Variants in ZNF41 observed in about 807,000 individuals in gnomAD.
The protein encoded by ZNF41 is zinc finger protein 41.
ZNF41 carries 6 observed loss-of-function variants against 9.3 expected under a neutral mutation model. The ratio of observed to expected loss-of-function variants is 0.65; its 90% CI spans 0.35 to 1.28. The LOEUF (loss-of-function observed/expected upper bound fraction) is 1.28, where lower values mean the gene tolerates loss of function less well. ZNF41 is among the 50% of genes most tolerant of loss of function. The pLI, the probability that ZNF41 is intolerant of heterozygous loss-of-function variation, is 0.03. For missense variants in ZNF41, 523 were observed against 585.8 expected, an observed-to-expected ratio of 0.89 and a Z score of 1.11; for synonymous variants, 192 against 207.1, an observed-to-expected ratio of 0.93 and a Z score of 0.63.
intron 2 of ZNF41, among the ~76,000 whole-genome samples, chrX:47,463,085 C>G (rs1293006859): frequency 2.7e-5 from 3 of 110,315 alleles, no homozygotes; most frequent in Non-Finnish European, 5.7e-5. Context: ...TTTGGCCTCC[C>G]AAAGTGTTGG....
At chrX:47,469,701 A>G (rs1361751170) in intron 1 of ZNF41, among the ~76,000 whole-genome samples, 1 of 111,346 alleles carries the variant, frequency 9.0e-6, no homozygotes, top group African/African-American at 3.3e-5. Context: ...AACACTGTGA[A>G]ACACTAAAAA....
intron 1 of ZNF41, among the ~76,000 whole-genome samples, chrX:47,480,648 T>A (rs1290297641): frequency 9.2e-6 from 1 of 109,009 alleles, no homozygotes; most frequent in East Asian, 2.8e-4. Context: ...ACAATATAGG[T>A]TAATATTCAC....
rs2056078550 is a variant in ZNF41, at chrX:47,445,275, A to C, written c.*2155T>G. On this transcript the variant is annotated 3_prime_UTR_variant, in exon 5 of 5. Transcript: ENST00000684689. Reference sequence around the variant, plus strand: ...TGTACTAGGATAGCTATAATAAAAAAGACTAATAATAATAAGAGTTGGTAA... The same window carrying C: ...TGTACTAGGATAGCTATAATAAAAACGACTAATAATAATAAGAGTTGGTAA... 8.9e-6 allele frequency among the ~76,000 whole-genome samples: 1 copy of C among 111,761 alleles called. No individual in the cohort carries two copies. Among genetic ancestry groups the C allele is most frequent in the South Asian group, 3.7e-4 (1 of 2,681 alleles).
At position 47,449,121 on chromosome X, in the gene ZNF41, T is replaced by C; in HGVS notation, c.649A>G (p.Ile217Val). The C allele has an allele frequency of 8.3e-7, 1 of 1,211,917 alleles. No individual in the cohort carries two copies. The highest frequency in any genetic ancestry group is 1.8e-5 in the South Asian group (1 of 57,026). ...RNSATKNLGKIFGNGNNFPHS... is the reference protein window; with the variant it reads ...RNSATKNLGKVFGNGNNFPHS... ...GGGAAATTGTTACCATTTCCAAAAA[T>C]CTTGCCAAGGTTCTTTGTTGCACTG... Residue 217 changes from isoleucine to valine, a missense_variant, in exon 5 of 5, where the codon ATT (isoleucine) becomes GTT (valine). By Grantham distance (29) the Ile-to-Val change is conservative. Transcript: ENST00000684689.
At chrX:47,481,354 T>C (rs905177398) in intron 1 of ZNF41, among the ~76,000 whole-genome samples, 9 of 111,690 alleles carry the variant, frequency 8.1e-5, no homozygotes, top group African/African-American at 2.6e-4. Flanking sequence ...GGAGGGTCAC[T>C]TGAGCCTAGG....
At chrX:47,464,943 T>C (rs1403304466) in intron 2 of ZNF41, among the ~76,000 whole-genome samples, 1 of 112,422 alleles carries the variant, frequency 8.9e-6, no homozygotes, top group African/African-American at 3.2e-5. Context: ...TGGAGTGCAG[T>C]GGTGTGATCT....
At position 47,447,566 on chromosome X, in the gene ZNF41, C is replaced by G; in HGVS notation, c.2204G>C (p.Ser735Thr). ...TCCTGTATGAATTATCTGATGCATA[C>G]TTAGTGTGGCTTTCTGGATGAAAGC... is the stretch of plus-strand genomic sequence containing the variant. ...GKAFIQKATL[S>T]MHQIIHTGKK... Residue 735 changes from serine (S) to threonine (T), a missense_variant, in exon 5 of 5, where the codon AGT becomes ACT. Coordinates refer to ENST00000684689, the MANE Select transcript of ZNF41 (RefSeq NM_001324144.2). 8.3e-7 allele frequency: 1 copy of G among 1,211,936 alleles called. No homozygotes were observed. Among genetic ancestry groups the G allele is most frequent in the East Asian group, 3.0e-5 (1 of 33,859 alleles).
intron 1 of ZNF41, among the ~76,000 whole-genome samples, chrX:47,473,826 T>C (rs2057260451): frequency 8.9e-6 from 1 of 112,208 alleles, no homozygotes; most frequent in South Asian, 3.6e-4. Context: ...CCAGCAGGAA[T>C]GTAAAGTGGT....
chrX:47,448,883 T>C lies in ZNF41; in HGVS notation c.887A>G (p.Glu296Gly). The C allele has an allele frequency of 1.7e-6, 2 of 1,211,837 alleles. No homozygotes were observed. Among genetic ancestry groups the C allele is most frequent in the Non-Finnish European group, 2.2e-6 (2 of 895,586 alleles). ...GCTTTTGTCACATTCACGGGACTTT[T>C]CTCCAGCATGAATTCTCTGATGCTC... ...LFEHQRIHAGEKSRECDKSNK... is the reference protein window; with the variant it reads ...LFEHQRIHAGGKSRECDKSNK... The change falls in exon 5 of 5, where the codon GAA (glutamate) becomes GGA (glycine). Residue 296 changes from glutamate (E) to glycine (G), a missense_variant. Coordinates refer to ENST00000684689, the MANE Select transcript of ZNF41 (RefSeq NM_001324144.2).
At chrX:47,461,180 C>G (rs1169214411) in intron 2 of ZNF41, among the ~76,000 whole-genome samples, 2 of 105,902 alleles carry the variant, frequency 1.9e-5, no homozygotes, top group Non-Finnish European at 3.9e-5. Context: ...TCACTGCAAC[C>G]TCTACCTCCC....
At chrX:47,478,854 A>C (rs1362057607) in intron 1 of ZNF41, among the ~76,000 whole-genome samples, 1 of 110,194 alleles carries the variant, frequency 9.1e-6, no homozygotes, top group African/African-American at 3.3e-5. Context: ...GAATTGCTTG[A>C]ACCCAGGAGG....
At chrX:47,455,803 CA>C in intron 4 of ZNF41, 117 bp downstream of exon 4, 1 of 704,887 alleles carries the variant, frequency 1.4e-6, no homozygotes, top group Non-Finnish European at 2.2e-6. Flanking sequence ...CAATTGACTC[CA>C]AAAGTTTAGA....
chrX:47,453,971 C>T (rs769574678), intron 4 of ZNF41, among the ~76,000 whole-genome samples: 1 of 111,310 alleles, frequency 9.0e-6, no homozygotes, highest in East Asian at 2.8e-4. Flanking sequence ...ACTCAGGAGG[C>T]TGAGGCAGGA....
chrX:47,473,492 A>C (rs2057251390), intron 1 of ZNF41, among the ~76,000 whole-genome samples: 1 of 111,950 alleles, frequency 8.9e-6, no homozygotes, highest in Admixed American at 9.6e-5. Flanking sequence ...AACTGGCATA[A>C]ACCTTCAGGA....
intron 2 of ZNF41, among the ~76,000 whole-genome samples, chrX:47,465,156 A>G (rs1233692415): frequency 1.8e-5 from 2 of 112,910 alleles, no homozygotes; most frequent in Non-Finnish European, 3.7e-5. Flanking sequence ...AAGTGCTGGG[A>G]TTATAGGCAT....
rs752948687 is a variant in ZNF41 at position 47,449,239 on chromosome X, A to T, written c.531T>A (p.His177Gln). Residue 177 changes from histidine to glutamine, a missense_variant, in exon 5 of 5, where the codon CAT (histidine) becomes CAA (glutamine). Physicochemically the swap from His to Gln is conservative, Grantham distance 24. Transcript: ENST00000684689. ...TTGAAGGAACAAGCTTGGTAGTCAC[A>T]TGAATTATTTTTTCAATGTTTTTAT... Reference protein sequence around the residue: ...YEHKNIEKIIHVTTKLVPSIK... With the variant: ...YEHKNIEKIIQVTTKLVPSIK... 3 of 1,211,509 alleles carry T rather than the reference A, an allele frequency of 2.5e-6. No homozygotes were observed. Among genetic ancestry groups the T allele is most frequent in the East Asian group, 5.9e-5 (2 of 33,857 alleles).
At chrX:47,450,199 A>G (rs934439104) in intron 4 of ZNF41, among the ~76,000 whole-genome samples, 1 of 110,896 alleles carries the variant, frequency 9.0e-6, no homozygotes, top group East Asian at 2.8e-4. Flanking sequence ...ACCAGCTGCA[A>G]GTTTCTTTCT....
At chrX:47,473,445 T>C (rs2057249920) in intron 1 of ZNF41, among the ~76,000 whole-genome samples, 1 of 111,852 alleles carries the variant, frequency 8.9e-6, no homozygotes, top group East Asian at 2.8e-4. Flanking sequence ...AAAAGGGGAA[T>C]ATCTTTTAAT....
Position 47,469,342 on chromosome X carries a change from AG to A in ZNF41, c.-279-1583del, listed in dbSNP as rs1211209758. Among the ~76,000 whole-genome samples the A allele has an allele frequency of 4.2e-5, 4 of 95,436 alleles. No individual in the cohort carries two copies. In the East Asian group the frequency reaches 1.0e-3, roughly 24 times the overall value. 82.9% of individuals were successfully genotyped at this position (95,436 alleles called of 115,157 possible). Reference sequence around the variant, plus strand: ...AAAAAAAAAAAAAAAAAAAAAAAAAAGACAGACAATTTTAGATATAAAAGCA... The same window carrying A: ...AAAAAAAAAAAAAAAAAAAAAAAAAAACAGACAATTTTAGATATAAAAGCA... On this transcript the variant is annotated intron_variant, in intron 1 of 4. Transcript: ENST00000684689.
Sources: allele counts gnomAD v4.1 joint callset (sites outside exome capture counted in the v4.1 genomes callset), GRCh38; gene constraint gnomAD v4.1.1; transcripts MANE v1.5; gene names NCBI Gene and HGNC (gene_info 2026-07-23, HGNC 2026-07-21).